NR1H4: variants seen among roughly 807,000 people sequenced by gnomAD.
NR1H4 encodes the protein bile acid receptor.
A neutral mutation model predicts 58.5 loss-of-function variants in NR1H4; 23 were observed. The ratio of observed to expected loss-of-function variants is 0.39; its 90% CI spans 0.28 to 0.56. The LOEUF is 0.56. Ranked by LOEUF, NR1H4 falls within the 20% of genes least tolerant of loss-of-function variation. NR1H4 has a pLI of 0.58. For synonymous variants in NR1H4, 214 were observed against 198.0 expected (o/e 1.08, Z -0.68); for missense variants, 487 against 576.9 (o/e 0.84, Z 1.60).
intron 3 of NR1H4, among the ~76,000 whole-genome samples, chr12:100,498,354 T>C (rs1953758930): frequency 2.0e-5 from 3 of 152,068 alleles, no homozygotes; most frequent in Admixed American, 2.0e-4. Context: ...AATACGTAAA[T>C]AAGGCTGGGC....
chr12:100,540,165 G>T (rs940467921), intron 8 of NR1H4, among the ~76,000 whole-genome samples: 1 of 152,170 alleles, frequency 6.6e-6, no homozygotes, highest in African/African-American at 2.4e-5. Context: ...CCCCCACCCT[G>T]TGTGTCGCAG....
intron 4 of NR1H4, among the ~76,000 whole-genome samples, chr12:100,516,084 C>A (rs1019435694): frequency 4.6e-5 from 7 of 152,166 alleles, no homozygotes; most frequent in African/African-American, 1.4e-4. Flanking sequence ...CTCATCTGGC[C>A]AAGCATCTTG....
chr12:100,516,006 A>G (rs1386320923), intron 4 of NR1H4, among the ~76,000 whole-genome samples: 1 of 152,208 alleles, frequency 6.6e-6, no homozygotes, highest in Admixed American at 6.5e-5. Flanking sequence ...CTGTGATTTA[A>G]CCAGCACTAC....
At chr12:100,553,906 C>A (rs1042301930) in intron 9 of NR1H4, among the ~76,000 whole-genome samples, 14 of 152,222 alleles carry the variant, frequency 9.2e-5, no homozygotes, top group African/African-American at 3.4e-4. Flanking sequence ...GTAGACTCCC[C>A]TTTAGTCTCA....
intron 9 of NR1H4, among the ~76,000 whole-genome samples, chr12:100,555,473 C>A (rs1444979337): frequency 6.6e-6 from 1 of 152,062 alleles, no homozygotes; most frequent in African/African-American, 2.4e-5. Flanking sequence ...TTTTTAAAAC[C>A]TACATGGCTT....
At position 100,523,060 on chromosome 12, in the gene NR1H4, G is replaced by C. The variant is rs375102175; in HGVS notation, c.446-9398G>C. On this transcript the variant is annotated intron_variant, in intron 4 of 10. Transcript: ENST00000392986. ...TTATCTAATTACTTTTTTTCCTTTG[G>C]GTAGACACTCACTAGTGGGATTGCT... Among the ~76,000 whole-genome samples, 12 of 151,912 alleles carry C rather than the reference G, an allele frequency of 7.9e-5. No individual in the cohort carries two copies. In the East Asian group the frequency reaches 1.2e-3, roughly 15 times the overall value.
At chr12:100,497,876 A>G (rs1366910710) in intron 3 of NR1H4, among the ~76,000 whole-genome samples, 1 of 152,226 alleles carries the variant, frequency 6.6e-6, no homozygotes, top group Non-Finnish European at 1.5e-5. Context: ...TTAAAACTCA[A>G]AAATTACAAA....
At chr12:100,551,762 A>C (rs1275829699) in intron 9 of NR1H4, among the ~76,000 whole-genome samples, 2 of 152,194 alleles carry the variant, frequency 1.3e-5, no homozygotes, top group Non-Finnish European at 2.9e-5. Flanking sequence ...CTTGGTATCC[A>C]CAGAGGATTG....
chr12:100,493,284 G>C lies in NR1H4; in HGVS notation c.-40G>C. 1.0e-6 allele frequency: 1 copy of C among 999,060 alleles called. No homozygotes were observed. Among genetic ancestry groups the C allele is most frequent in the Non-Finnish European group, 1.6e-6 (1 of 634,822 alleles). The allele number at this position is 999,060 out of a possible 1,614,324, so 61.9% of individuals were successfully genotyped here. On this transcript the variant is annotated 5_prime_UTR_variant, in exon 3 of 11. Coordinates refer to ENST00000392986, the MANE Select transcript of NR1H4 (RefSeq NM_001206979.2). ...TTTCCTTTCAGGAGTTTTTTTTGAAGACCACCATAAAGAAAGTGCATTTCA... is the reference window on the plus strand; with the variant it reads ...TTTCCTTTCAGGAGTTTTTTTTGAACACCACCATAAAGAAAGTGCATTTCA...
chr12:100,514,948 T>G (rs1954223611), intron 4 of NR1H4, among the ~76,000 whole-genome samples: 1 of 152,002 alleles, frequency 6.6e-6, no homozygotes, highest in African/African-American at 2.4e-5. Flanking sequence ...GTATATTAGA[T>G]TGTATGGTTT....
chr12:100,486,300 A>T (rs1034067462), intron 1 of NR1H4, among the ~76,000 whole-genome samples: 1 of 152,230 alleles, frequency 6.6e-6, no homozygotes, highest in African/African-American at 2.4e-5. Context: ...TATGAAATAA[A>T]TATAAGCAAT....
intron 4 of NR1H4, among the ~76,000 whole-genome samples, chr12:100,513,343 C>T (rs1051762240): frequency 6.6e-6 from 1 of 152,136 alleles, no homozygotes; most frequent in African/African-American, 2.4e-5. Flanking sequence ...TTAATTCTTT[C>T]CCATCTCCGA....
At chr12:100,527,701 G>A (rs1037053495) in intron 4 of NR1H4, among the ~76,000 whole-genome samples, 1 of 152,194 alleles carries the variant, frequency 6.6e-6, no homozygotes, top group Non-Finnish European at 1.5e-5. Flanking sequence ...CTGTGTGCAT[G>A]TGTTCTCATT....
At chr12:100,483,296 G>A (rs1448958128) in intron 1 of NR1H4, among the ~76,000 whole-genome samples, 5 of 152,110 alleles carry the variant, frequency 3.3e-5, no homozygotes, top group African/African-American at 1.2e-4. Flanking sequence ...AGGTTGATTA[G>A]TTTGAATATC....
chr12:100,536,145 A>T (rs755281583), intron 6 of NR1H4, among the ~76,000 whole-genome samples: 1 of 151,756 alleles, frequency 6.6e-6, no homozygotes, highest in Non-Finnish European at 1.5e-5. Context: ...TATAGTATTC[A>T]TAGTAGTCAT....
intron 4 of NR1H4, among the ~76,000 whole-genome samples, chr12:100,520,117 C>T (rs1192217594): frequency 1.3e-5 from 2 of 152,200 alleles, no homozygotes; most frequent in African/African-American, 2.4e-5. Flanking sequence ...GCTCAGCCAA[C>T]CTGGTTTCCC....
chr12:100,559,321 C>T lies in NR1H4; in HGVS notation c.1079-2564C>T, dbSNP rs1207986214. Among the ~76,000 whole-genome samples, 3 of 152,314 alleles carry T rather than the reference C, an allele frequency of 2.0e-5. No homozygotes were observed. The East Asian group carries it at 5.8e-4, about 30-fold the overall frequency. ...TCAGCCCACCACTGCACTGTGGGAG[C>T]CCCTTTCAGGGCTGGCCAAGGCTGG... is the stretch of plus-strand genomic sequence containing the variant. On this transcript the variant is annotated intron_variant, in intron 9 of 10. Transcript: ENST00000392986.
chr12:100,549,788 T>C (rs762000356), intron 9 of NR1H4, among the ~76,000 whole-genome samples: 41 of 152,180 alleles, frequency 2.7e-4, no homozygotes, highest in Non-Finnish European at 4.7e-4. Context: ...CTGCTGCATA[T>C]TTTATCTATA....
chr12:100,555,406 C>G (rs1955299699), intron 9 of NR1H4, among the ~76,000 whole-genome samples: 1 of 152,116 alleles, frequency 6.6e-6, no homozygotes, highest in Non-Finnish European at 1.5e-5. Flanking sequence ...AATACTGAAG[C>G]AAATCACTGA....
Sources: allele counts gnomAD v4.1 joint callset (sites outside exome capture counted in the v4.1 genomes callset), GRCh38; gene constraint gnomAD v4.1.1; transcripts MANE v1.5; gene names NCBI Gene and HGNC (gene_info 2026-07-23, HGNC 2026-07-21).